Variants in CHN2 observed in about 807,000 individuals in gnomAD.
CHN2 encodes the protein chimerin 2, also known as beta-chimaerin.
In CHN2, 35 loss-of-function variants were observed where a neutral mutation model predicts 56.3. The observed-to-expected ratio is 0.62, with a 90% CI of 0.47 to 0.82. CHN2 has a LOEUF of 0.82. Ranked by LOEUF, CHN2 falls within the 40% of genes least tolerant of loss-of-function variation. The pLI is 0.00. For missense variants in CHN2, 491 were observed against 580.5 expected, an observed-to-expected ratio of 0.85 and a Z score of 1.58; for synonymous variants, 210 against 212.8, an observed-to-expected ratio of 0.99 and a Z score of 0.12.
chr7:29,367,298 G>T (rs376154762), intron 2 of CHN2, among the ~76,000 whole-genome samples: 44 of 152,236 alleles, frequency 2.9e-4, no homozygotes, highest in African/African-American at 1.0e-3. Context: ...GGTTAGGAAG[G>T]AGTTATTATT....
rs760490626 is a variant in CHN2 at position 29,499,904 on chromosome 7, C to T, written c.777C>T (p.His259=). ...ACGTACACAAACAGTGTTCCAAGCACGTTCCCAATGACTGCCAACCTGATC... is the reference window on the plus strand; with the variant it reads ...ACGTACACAAACAGTGTTCCAAGCATGTTCCCAATGACTGCCAACCTGATC... ...GLNVHKQCSK[H]VPNDCQPDLK... is the part of the protein sequence containing the mutation. The change falls in exon 9 of 13, where the codon CAC becomes CAT. Residue 259 remains histidine (H), a synonymous_variant. Transcript: ENST00000222792. 6.8e-6 allele frequency: 11 copies of T among 1,609,570 alleles called. No homozygotes were observed. The highest frequency in any genetic ancestry group is 7.6e-6 in the Non-Finnish European group (9 of 1,178,550).
chr7:29,250,891 C>A (rs1370856235), intron 1 of CHN2, among the ~76,000 whole-genome samples: 1 of 151,874 alleles, frequency 6.6e-6, no homozygotes, highest in Non-Finnish European at 1.5e-5. Flanking sequence ...TGTATTTTTA[C>A]TAGAGACGAG....
chr7:29,290,358 T>C (rs1166200109), intron 1 of CHN2, among the ~76,000 whole-genome samples: 6 of 152,254 alleles, frequency 3.9e-5, no homozygotes, highest in African/African-American at 1.4e-4. Context: ...CTGTTCCTTG[T>C]GGTTCTGTGG....
chr7:29,430,305 G>A (rs1263426598), intron 6 of CHN2, among the ~76,000 whole-genome samples: 1 of 152,168 alleles, frequency 6.6e-6, no homozygotes, highest in South Asian at 2.1e-4. Context: ...TGGTCAACAA[G>A]TGCACAGGAA....
Position 29,269,421 on chromosome 7 carries a change from G to A in CHN2, c.49+74431G>A, listed in dbSNP as rs550012110. Among the ~76,000 whole-genome samples the A allele has an allele frequency of 4.9e-4, 74 of 152,196 alleles. No homozygotes were observed. The South Asian group carries it at 5.8e-3, about 12-fold the overall frequency. ...GGCTAAATAATATTCCATTGTGTAC[G>A]TGTACCACATTTTCTTTATCCATGC... On this transcript the variant is annotated intron_variant, in intron 1 of 12. Coordinates refer to ENST00000222792, the MANE Select transcript of CHN2 (RefSeq NM_004067.4).
At chr7:29,235,846 G>C in intron 1 of CHN2, among the ~76,000 whole-genome samples, 1 of 152,118 alleles carries the variant, frequency 6.6e-6, no homozygotes, top group East Asian at 1.9e-4. Flanking sequence ...TGCATACACA[G>C]ACACAAAGAA....
intron 6 of CHN2, among the ~76,000 whole-genome samples, chr7:29,404,488 G>C (rs1802472223): frequency 6.6e-6 from 1 of 152,072 alleles, no homozygotes. Context: ...GCAAAAATTA[G>C]AAAATGACCT....
At chr7:29,448,190 G>T (rs1784162149) in intron 6 of CHN2, among the ~76,000 whole-genome samples, 1 of 151,818 alleles carries the variant, frequency 6.6e-6, no homozygotes, top group African/African-American at 2.4e-5. Flanking sequence ...TCCACTTATA[G>T]GTACGCAATA....
chr7:29,212,038 C>T (rs1205141028), intron 1 of CHN2, among the ~76,000 whole-genome samples: 1 of 152,140 alleles, frequency 6.6e-6, no homozygotes, highest in Non-Finnish European at 1.5e-5. Flanking sequence ...AAGCAAATCC[C>T]AGGCTTGGCA....
At chr7:29,346,403 C>A (rs769346290) in intron 1 of CHN2, among the ~76,000 whole-genome samples, 10 of 152,222 alleles carry the variant, frequency 6.6e-5, no homozygotes, top group Non-Finnish European at 1.3e-4. Flanking sequence ...TCTGAACTGT[C>A]ATCTCATCGT....
intron 1 of CHN2, chr7:29,146,782 C>G (rs774411782): frequency 1.3e-6 from 2 of 1,549,094 alleles, no homozygotes; most frequent in East Asian, 4.9e-5. Context: ...GATTTTGTCT[C>G]CCAGTTTTTA....
chr7:29,239,844 C>T (rs58547975), intron 1 of CHN2, among the ~76,000 whole-genome samples: 31 of 152,290 alleles, frequency 2.0e-4, no homozygotes, highest in African/African-American at 7.0e-4. Flanking sequence ...CTAAAGAGGG[C>T]AGCACTGGTC....
intron 2 of CHN2, among the ~76,000 whole-genome samples, chr7:29,153,779 A>G (rs1793957861): frequency 6.6e-6 from 1 of 152,120 alleles, no homozygotes; most frequent in African/African-American, 2.4e-5. Flanking sequence ...CATGTTGGCC[A>G]GGCTGGTCTC....
chr7:29,213,281 C>A, intron 1 of CHN2: 1 of 817,448 alleles, frequency 1.2e-6, no homozygotes, highest in Non-Finnish European at 2.1e-6. Flanking sequence ...CTCTCCCCTC[C>A]TCCCCTCCCT....
chr7:29,212,784 G>A lies in CHN2; in HGVS notation c.49+17794G>A, dbSNP rs1388792268. 9.9e-6 allele frequency: 16 copies of A among 1,609,938 alleles called. No individual in the cohort carries two copies. In the Admixed American group the frequency reaches 2.0e-4, roughly 20 times the overall value. On this transcript the variant is annotated intron_variant, in intron 1 of 12. Coordinates refer to ENST00000222792, the MANE Select transcript of CHN2 (RefSeq NM_004067.4). ...CAGAAAAACAACTGGCCGAAGAATA[G>A]CAATGGTGTGACTCGGAAGGCCTCA...
intron 6 of CHN2, among the ~76,000 whole-genome samples, chr7:29,434,080 T>C (rs1207272747): frequency 6.6e-6 from 1 of 152,278 alleles, no homozygotes; most frequent in African/African-American, 2.4e-5. Context: ...ACTCTTTTCC[T>C]TGGTAAAATG....
intron 5 of CHN2, among the ~76,000 whole-genome samples, chr7:29,399,970 C>A (rs1314878209): frequency 2.6e-5 from 4 of 152,080 alleles, no homozygotes; most frequent in Non-Finnish European, 5.9e-5. Flanking sequence ...GGCAACAGCT[C>A]CAGCAGGGAG....
chr7:29,399,985 G>A (rs769971439), intron 5 of CHN2, among the ~76,000 whole-genome samples: 13 of 152,114 alleles, frequency 8.5e-5, no homozygotes, highest in Non-Finnish European at 1.8e-4. Context: ...AGGGAGTTTA[G>A]CACACCTTAT....
Position 29,230,431 on chromosome 7 carries a change from C to T in CHN2, c.49+35441C>T, listed in dbSNP as rs532467700. Among the ~76,000 whole-genome samples the T allele has an allele frequency of 1.4e-4, 21 of 152,266 alleles. No homozygotes were observed. The East Asian group carries it at 3.9e-3, about 28-fold the overall frequency. On this transcript the variant is annotated intron_variant, in intron 1 of 12. Coordinates refer to ENST00000222792, the MANE Select transcript of CHN2 (RefSeq NM_004067.4). ...TCTCAGCTCACTGCAGCCTGTGCCT[C>T]CCGGGCTCAAGTGATTCTCATGCCT...
Sources: gnomAD v4.1 joint callset for allele counts (sites outside exome capture counted in the v4.1 genomes callset) on GRCh38, gnomAD v4.1.1 for gene constraint, MANE v1.5 for transcripts, NCBI Gene and HGNC (gene_info 2026-07-23, HGNC 2026-07-21) for gene names.